BTBD9: variants seen among roughly 807,000 people sequenced by gnomAD.
The protein encoded by BTBD9 is BTB domain containing 9.
Under a neutral mutation model 64.3 loss-of-function variants are expected in BTBD9, and 49 were observed. The ratio of observed to expected loss-of-function variants is 0.76; its 90% confidence interval spans 0.61 to 0.97. The LOEUF is 0.97. Among genes scored for constraint, BTBD9 ranks in the 50% least tolerant of loss-of-function variants. The pLI is 0.00. For missense variants in BTBD9, 598 were observed against 762.1 expected (o/e 0.78, Z 2.53); for synonymous variants, 260 against 274.7 (o/e 0.95, Z 0.53).
At chr6:38,394,419 A>C (rs1766573857) in intron 6 of BTBD9, among the ~76,000 whole-genome samples, 1 of 152,166 alleles carries the variant, frequency 6.6e-6, no homozygotes, top group Admixed American at 6.5e-5. Context: ...GAGAAACAGA[A>C]GGGAGAAGTT....
chr6:38,605,219 G>T (rs1277442078), intron 1 of BTBD9, among the ~76,000 whole-genome samples: 1 of 151,848 alleles, frequency 6.6e-6, no homozygotes, highest in Non-Finnish European at 1.5e-5. Context: ...GTTAACTTTT[G>T]TATTTTTAGT....
intron 6 of BTBD9, among the ~76,000 whole-genome samples, chr6:38,378,113 G>C (rs565650715): frequency 6.6e-6 from 1 of 152,030 alleles, no homozygotes; most frequent in African/African-American, 2.4e-5. Flanking sequence ...GACGACTCTC[G>C]GGGAACCCTC....
At chr6:38,630,811 G>T (rs984806011) in intron 1 of BTBD9, among the ~76,000 whole-genome samples, 2 of 152,158 alleles carry the variant, frequency 1.3e-5, no homozygotes, top group African/African-American at 4.8e-5. Flanking sequence ...AATGAGACTT[G>T]AAATAAAATG....
chr6:38,410,205 T>C (rs1196970968), intron 6 of BTBD9, among the ~76,000 whole-genome samples: 1 of 152,162 alleles, frequency 6.6e-6, no homozygotes, highest in Non-Finnish European at 1.5e-5. Flanking sequence ...GCATGGTGGC[T>C]CACACCTATA....
chr6:38,477,816 TAACTC>T (rs1468814622), intron 6 of BTBD9, among the ~76,000 whole-genome samples: 8 of 152,192 alleles, frequency 5.3e-5, no homozygotes, highest in African/African-American at 1.9e-4. Context: ...ATTACTCACT[TAACTC>T]AAACTGAGCA....
intron 9 of BTBD9, among the ~76,000 whole-genome samples, chr6:38,254,324 A>T (rs1764501965): frequency 6.6e-6 from 1 of 152,050 alleles, no homozygotes; most frequent in Admixed American, 6.6e-5. Context: ...TAACCAATAT[A>T]TATATGCTGA....
chr6:38,522,701 CT>C (rs754461049), intron 6 of BTBD9, among the ~76,000 whole-genome samples: 5 of 152,100 alleles, frequency 3.3e-5, no homozygotes, highest in Non-Finnish European at 7.4e-5. Flanking sequence ...AGTATCAGTC[CT>C]TCTTCTTGAG....
intron 8 of BTBD9, among the ~76,000 whole-genome samples, chr6:38,274,118 G>C (rs1331466305): frequency 2.6e-5 from 4 of 152,184 alleles, no homozygotes; most frequent in African/African-American, 9.7e-5. Flanking sequence ...TGGATTCCTA[G>C]GTATTTTATT....
intron 6 of BTBD9, among the ~76,000 whole-genome samples, chr6:38,569,287 C>T (rs572394292): frequency 6.6e-6 from 1 of 152,208 alleles, no homozygotes; most frequent in Admixed American, 6.5e-5. Context: ...AAATGAGGTG[C>T]CTACAATATA....
At chr6:38,326,172 G>C (rs767754306) in intron 7 of BTBD9, among the ~76,000 whole-genome samples, 1 of 152,196 alleles carries the variant, frequency 6.6e-6, no homozygotes, top group Non-Finnish European at 1.5e-5. Flanking sequence ...GACAAAGTGA[G>C]AGGAAGGATA....
intron 7 of BTBD9, among the ~76,000 whole-genome samples, chr6:38,289,211 C>T (rs900936878): frequency 2.6e-5 from 4 of 151,114 alleles, no homozygotes; most frequent in Non-Finnish European, 5.9e-5. Context: ...CATTTCTACC[C>T]AAAATACAAA....
In BTBD9 at chr6:38,337,263, G is replaced by A. The variant is rs139851692; in HGVS notation, c.1264+7721C>T. ...GTGAAGCACAGAAGTTGTGTTATAC[G>A]TCTAGGTCACTGGATGCCAAAAACC... is the stretch of plus-strand genomic sequence containing the variant. On this transcript the variant is annotated intron_variant, in intron 7 of 10. Transcript: ENST00000481247. Among the ~76,000 whole-genome samples the A allele has an allele frequency of 2.9e-3, 448 of 152,254 alleles. 3 individuals are homozygous for A. The highest frequency in any genetic ancestry group is 9.7e-3 in the African/African-American group (403 of 41,540).
intron 1 of BTBD9, among the ~76,000 whole-genome samples, chr6:38,623,181 T>A (rs566408926): frequency 1.2e-3 from 184 of 152,272 alleles, no homozygotes; most frequent in African/African-American, 4.2e-3. Flanking sequence ...TTATGTGGAA[T>A]GTCAACCTAT....
chr6:38,320,997 T>G (rs1763212053), intron 7 of BTBD9, among the ~76,000 whole-genome samples: 2 of 152,318 alleles, frequency 1.3e-5, no homozygotes, highest in South Asian at 2.1e-4. Context: ...TGATCGATAT[T>G]TGCTGGGGAC....
At chr6:38,210,536 T>TTGTGTGTGTGTGTGTG (rs71542165) in intron 9 of BTBD9, among the ~76,000 whole-genome samples, 45 of 146,448 alleles carry the variant, frequency 3.1e-4, no homozygotes, top group African/African-American at 9.4e-4. Flanking sequence ...GTGCGTGTGT[T>TTGTGTGTGTGTGTGTG]TGTGTGTGTG....
At chr6:38,588,912 A>C (rs1397423975) in intron 4 of BTBD9, among the ~76,000 whole-genome samples, 3 of 152,228 alleles carry the variant, frequency 2.0e-5, no homozygotes, top group Non-Finnish European at 2.9e-5. Context: ...TGTCATGTAT[A>C]AAATGTAAGA....
chr6:38,196,755 T>C (rs1300457265), intron 9 of BTBD9, among the ~76,000 whole-genome samples: 2 of 152,194 alleles, frequency 1.3e-5, no homozygotes, highest in Admixed American at 6.5e-5. Flanking sequence ...TCCCAACTTA[T>C]AAACAGGTGA....
chr6:38,281,401 T>A (rs1248490833), intron 8 of BTBD9, among the ~76,000 whole-genome samples: 3 of 152,190 alleles, frequency 2.0e-5, no homozygotes, highest in Non-Finnish European at 4.4e-5. Context: ...ATATACCAGA[T>A]GAATAAGGAC....
At chr6:38,597,391 A>T (rs1173710065) in intron 2 of BTBD9, among the ~76,000 whole-genome samples, 1 of 152,180 alleles carries the variant, frequency 6.6e-6, no homozygotes, top group Non-Finnish European at 1.5e-5. Flanking sequence ...TATTAGGTAA[A>T]ATGTAGAGTA....
Sources: gnomAD v4.1 joint callset for allele counts (sites outside exome capture counted in the v4.1 genomes callset) on GRCh38, gnomAD v4.1.1 for gene constraint, MANE v1.5 for transcripts, NCBI Gene and HGNC (gene_info 2026-07-23, HGNC 2026-07-21) for gene names.